Variants in TENM3 observed in about 807,000 individuals in gnomAD.
TENM3 encodes the protein teneurin-3.
TENM3 carries 63 observed loss-of-function variants against 255.1 expected under a neutral mutation model. The observed-to-expected ratio is 0.25, with a 90% CI of 0.20 to 0.30. The LOEUF is 0.30. Ranked by LOEUF, TENM3 falls within the 10% of genes least tolerant of loss-of-function variation. The probability of loss-of-function intolerance (pLI) is 1.00; values close to 1 mark genes in which losing one functional copy is unlikely to be tolerated. For synonymous variants in TENM3, 1,306 were observed against 1,322.3 expected (o/e 0.99, Z 0.27); for missense variants, 2,929 against 3,461.1 (o/e 0.85, Z 3.86).
chr4:181,945,259 T>C, the TENM3 span, among the ~76,000 whole-genome samples: 1 of 151,910 alleles, frequency 6.6e-6, no homozygotes, highest in African/African-American at 2.4e-5. Flanking sequence ...AGAGGCAGTA[T>C]ATATTCCTAG....
At position 182,692,814 on chromosome 4, in the gene TENM3, C is replaced by T. The variant is rs1757107931; in HGVS notation, c.2221+4463C>T. ...TGAAACACTGGAGGTTTCGTCAGTTCTTTTTGTTAGCTTAAGGAGTATTTT... is the reference window on the plus strand; with the variant it reads ...TGAAACACTGGAGGTTTCGTCAGTTTTTTTTGTTAGCTTAAGGAGTATTTT... On this transcript the variant is annotated intron_variant, in intron 12 of 27. Coordinates refer to ENST00000511685, the MANE Select transcript of TENM3 (RefSeq NM_001080477.4). Among the ~76,000 whole-genome samples, 4 of 151,786 alleles carry T rather than the reference C, an allele frequency of 2.6e-5. No homozygotes were observed. In the South Asian group the frequency reaches 8.3e-4, roughly 32 times the overall value.
At chr4:181,540,683 T>C in the TENM3 span, among the ~76,000 whole-genome samples, 1 of 152,058 alleles carries the variant, frequency 6.6e-6, no homozygotes, top group East Asian at 1.9e-4. Flanking sequence ...TGAATCCCCA[T>C]AGTGAGACAT....
chr4:182,396,209 T>C (rs1768797124), intron 3 of TENM3, among the ~76,000 whole-genome samples: 1 of 152,212 alleles, frequency 6.6e-6, no homozygotes, highest in South Asian at 2.1e-4. Flanking sequence ...TCGCCTGCAT[T>C]CATCTCTGGC....
chr4:182,555,919 C>T (rs570851679), intron 3 of TENM3, among the ~76,000 whole-genome samples: 119 of 151,278 alleles, frequency 7.9e-4, no homozygotes, highest in Non-Finnish European at 1.4e-3. Flanking sequence ...TTTTTTTATT[C>T]TACAAACACT....
chr4:181,906,406 T>C, the TENM3 span: 1 of 207,262 alleles, frequency 4.8e-6, no homozygotes, highest in Non-Finnish European at 1.0e-5. Context: ...ACTAGATACA[T>C]TCAGTTTATC....
At chr4:182,563,365 T>G (rs1403516898) in intron 3 of TENM3, among the ~76,000 whole-genome samples, 1 of 151,840 alleles carries the variant, frequency 6.6e-6, no homozygotes, top group African/African-American at 2.4e-5. Context: ...ACCTGGAAGG[T>G]GGAGGTTGCA....
intron 3 of TENM3, among the ~76,000 whole-genome samples, chr4:182,443,684 A>G (rs1038773998): frequency 1.3e-5 from 2 of 152,046 alleles, no homozygotes; most frequent in East Asian, 1.9e-4. Flanking sequence ...TATACAGCAC[A>G]TTGCTTGACT....
the TENM3 span, among the ~76,000 whole-genome samples, chr4:181,918,546 C>T: frequency 6.6e-6 from 1 of 152,058 alleles, no homozygotes; most frequent in Non-Finnish European, 1.5e-5. Flanking sequence ...GTCATATATT[C>T]AATTATTATT....
intron 12 of TENM3, among the ~76,000 whole-genome samples, chr4:182,710,478 A>G (rs1758671161): frequency 6.6e-6 from 1 of 152,230 alleles, no homozygotes; most frequent in African/African-American, 2.4e-5. Context: ...TCATCTTATC[A>G]ATTAGCTGTA....
chr4:182,650,936 T>C (rs28434689), intron 5 of TENM3, among the ~76,000 whole-genome samples: 3,108 of 136,548 alleles, frequency 0.023, 128 homozygotes, highest in African/African-American at 0.074. Context: ...AACAAAGCTG[T>C]TGCCTATCTG....
the TENM3 span, among the ~76,000 whole-genome samples, chr4:181,555,068 C>A: frequency 6.6e-6 from 1 of 152,116 alleles, no homozygotes; most frequent in East Asian, 1.9e-4. Context: ...AAGTATGAAC[C>A]TTTTCTAGCA....
At chr4:182,581,291 T>A (rs936381669) in intron 3 of TENM3, among the ~76,000 whole-genome samples, 11 of 152,208 alleles carry the variant, frequency 7.2e-5, no homozygotes, top group African/African-American at 2.7e-4. Flanking sequence ...ATTAAAGAGT[T>A]ACCGGTTCTT....
intron 2 of TENM3, among the ~76,000 whole-genome samples, chr4:182,328,840 T>TG (rs1352960765): frequency 2.6e-5 from 4 of 152,064 alleles, no homozygotes; most frequent in Non-Finnish European, 5.9e-5. Context: ...AAGTGTAGTT[T>TG]GGGGGATCCC....
intron 12 of TENM3, among the ~76,000 whole-genome samples, chr4:182,696,502 A>G (rs970989238): frequency 2.0e-5 from 3 of 152,102 alleles, no homozygotes; most frequent in Admixed American, 1.3e-4. Context: ...CAAGGCGGGT[A>G]GATCACGAGG....
intron 3 of TENM3, among the ~76,000 whole-genome samples, chr4:182,587,252 A>G (rs1046415944): frequency 6.6e-5 from 10 of 151,954 alleles, no homozygotes; most frequent in African/African-American, 2.4e-4. Flanking sequence ...ACATACCACC[A>G]TGGCCCCATT....
the TENM3 span, among the ~76,000 whole-genome samples, chr4:181,530,058 T>A: frequency 2.0e-5 from 3 of 152,226 alleles, no homozygotes; most frequent in Non-Finnish European, 4.4e-5. Flanking sequence ...TGAACTGGAA[T>A]AATAACTGTG....
chr4:181,740,638 G>A, the TENM3 span, among the ~76,000 whole-genome samples: 8 of 151,404 alleles, frequency 5.3e-5, no homozygotes, highest in African/African-American at 1.7e-4. Context: ...AATCAATCTT[G>A]AAAATGATAA....
the TENM3 span, among the ~76,000 whole-genome samples, chr4:181,863,811 A>G: frequency 6.6e-6 from 1 of 152,168 alleles, no homozygotes; most frequent in Non-Finnish European, 1.5e-5. Context: ...CCAAGCGAAA[A>G]AGACCCCATA....
At chr4:181,679,833 G>T in the TENM3 span, among the ~76,000 whole-genome samples, 13 of 152,126 alleles carry the variant, frequency 8.5e-5, no homozygotes, top group Admixed American at 2.0e-4. Context: ...GTGGGAGTTT[G>T]TCTAGATAAT....
Sources: gnomAD v4.1 joint callset for allele counts (sites outside exome capture counted in the v4.1 genomes callset) on GRCh38, gnomAD v4.1.1 for gene constraint, MANE v1.5 for transcripts, NCBI Gene and HGNC (gene_info 2026-07-23, HGNC 2026-07-21) for gene names.